RPS3: variants seen among roughly 807,000 people sequenced by gnomAD.
RPS3 encodes ribosomal protein S3.
A neutral mutation model predicts 25.8 loss-of-function variants in RPS3; 2 were observed. The observed-to-expected ratio is 0.08, with a 90% CI of 0.03 to 0.24. RPS3 has a LOEUF of 0.24. RPS3 is among the 10% of genes least tolerant of loss of function. The probability of loss-of-function intolerance (pLI) is 1.00; values close to 1 mark genes in which losing one functional copy is unlikely to be tolerated. For missense variants in RPS3, 107 were observed against 307.1 expected, an observed-to-expected ratio of 0.35 and a Z score of 4.87; for synonymous variants, 114 against 114.2, an observed-to-expected ratio of 1.00 and a Z score of 0.01.
At chr11:75,416,776 T>C (rs1193336473) in intron 6 of RPS3, among the ~76,000 whole-genome samples, 2 of 152,222 alleles carry the variant, frequency 1.3e-5, no homozygotes, top group Non-Finnish European at 2.9e-5. Flanking sequence ...GATGTTGCTA[T>C]GTATAAATGC....
intron 6 of RPS3, chr11:75,405,108 A>G (rs1288241768): frequency 8.3e-6 from 3 of 362,278 alleles, no homozygotes; most frequent in Non-Finnish European, 9.9e-6. Flanking sequence ...TATATGAAAT[A>G]GTTTTCCCTT....
intron 6 of RPS3, among the ~76,000 whole-genome samples, chr11:75,417,632 C>T (rs562258809): frequency 4.7e-4 from 71 of 152,240 alleles, no homozygotes; most frequent in African/African-American, 1.6e-3. Flanking sequence ...TCGGGCGTGG[C>T]GGCACATGCC....
chr11:75,416,155 C>T (rs1384076643), intron 6 of RPS3, among the ~76,000 whole-genome samples: 1 of 152,182 alleles, frequency 6.6e-6, no homozygotes, highest in Non-Finnish European at 1.5e-5. Flanking sequence ...CCTCCCTGTT[C>T]CTCCCTTTGG....
intron 6 of RPS3, among the ~76,000 whole-genome samples, chr11:75,414,807 C>T (rs566285152): frequency 1.7e-4 from 26 of 152,250 alleles, no homozygotes; most frequent in African/African-American, 4.6e-4. Context: ...GTGAGCCAGT[C>T]AGGGATGAAA....
chr11:75,413,280 G>T (rs1458561740), intron 6 of RPS3, among the ~76,000 whole-genome samples: 1 of 151,058 alleles, frequency 6.6e-6, no homozygotes, highest in Non-Finnish European at 1.5e-5. Flanking sequence ...TCACTCTGTA[G>T]CCCAGGCTGG....
intron 3 of RPS3, chr11:75,402,077 T>C (rs1948217132): frequency 1.8e-6 from 1 of 551,288 alleles, no homozygotes; most frequent in Non-Finnish European, 3.2e-6. Context: ...ACTGAAATTA[T>C]ATGCTGTATA....
At chr11:75,418,274 C>T (rs576978078) in intron 6 of RPS3, among the ~76,000 whole-genome samples, 25 of 152,356 alleles carry the variant, frequency 1.6e-4, no homozygotes, top group African/African-American at 5.3e-4. Context: ...ATTTCAGTGT[C>T]CTAATTCTTA....
chr11:75,417,569 C>T lies in RPS3; in HGVS notation c.*4-4158C>T, dbSNP rs1293837447. Among the ~76,000 whole-genome samples the T allele has an allele frequency of 2.0e-5, 3 of 152,226 alleles. No individual in the cohort carries two copies. The East Asian group carries it at 5.8e-4, about 29-fold the overall frequency. On this transcript the variant is annotated intron_variant, in intron 6 of 6. Transcript: ENST00000527446. ...CCGAGATCGCGCCACTGCATTCCAGCCTGGGTGACAGAGTGAGACTCCGTC... is the reference window on the plus strand; with the variant it reads ...CCGAGATCGCGCCACTGCATTCCAGTCTGGGTGACAGAGTGAGACTCCGTC...
intron 6 of RPS3, among the ~76,000 whole-genome samples, chr11:75,415,712 G>A (rs1396149713): frequency 1.3e-5 from 2 of 151,734 alleles, no homozygotes; most frequent in South Asian, 2.1e-4. Flanking sequence ...AGGCTGAGGC[G>A]GGAAAATCTC....
downstream of RPS3, among the ~76,000 whole-genome samples, chr11:75,408,671 G>A (rs2135062585): frequency 6.6e-6 from 1 of 152,056 alleles, no homozygotes; most frequent in Admixed American, 6.5e-5. Flanking sequence ...TCAGCCTCCT[G>A]AGTAGCTGCG....
chr11:75,403,947 T>G (rs1948246633), intron 4 of RPS3, 73 bp from the exon 5 acceptor site: 1 of 1,416,038 alleles, frequency 7.1e-7, no homozygotes, highest in African/African-American at 1.4e-5. Context: ...GAAAACCAAG[T>G]CTTTGTTTTG....
chr11:75,417,124 A>G, intron 6 of RPS3, among the ~76,000 whole-genome samples: 1 of 152,218 alleles, frequency 6.6e-6, no homozygotes, highest in Admixed American at 6.5e-5. Flanking sequence ...TCATTTTACA[A>G]GTTTAATCCA....
intron 1 of RPS3, chr11:75,399,804 G>C: frequency 1.8e-6 from 1 of 563,184 alleles, no homozygotes; most frequent in South Asian, 2.2e-5. Context: ...GGCACCAGGC[G>C]CCCCTTCTGT....
intron 2 of RPS3, among the ~76,000 whole-genome samples, chr11:75,401,042 C>T (rs1370864117): frequency 2.0e-5 from 3 of 152,130 alleles, no homozygotes; most frequent in Non-Finnish European, 4.4e-5. Context: ...GCCACCATAC[C>T]TTGCTAATTT....
rs535339128 is a variant in RPS3 at position 75,414,228 on chromosome 11, T to C, written c.*4-7499T>C. On this transcript the variant is annotated intron_variant, in intron 6 of 6. Coordinates refer to the RPS3 transcript ENST00000527446. Reference sequence around the variant, plus strand: ...TTGATGCTGGGTGGCCAAAACCATGTTGTGAAATTGTCCTTGGAACCCACT... The same window carrying C: ...TTGATGCTGGGTGGCCAAAACCATGCTGTGAAATTGTCCTTGGAACCCACT... Among the ~76,000 whole-genome samples, 10 of 152,338 alleles carry C rather than the reference T, an allele frequency of 6.6e-5. No individual in the cohort carries two copies. In the East Asian group the frequency reaches 1.9e-3, roughly 29 times the overall value.
chr11:75,403,965 A>G lies in RPS3; in HGVS notation c.351-55A>G, dbSNP rs547199076. On this transcript the variant is annotated intron_variant, in intron 4 of 6. Coordinates refer to ENST00000531188, the MANE Select transcript of RPS3 (RefSeq NM_001005.5). ...AACCAAGTCTTTGTTTTGTTTTTTA[A>G]ACTTGGTGGAGGTCCTTGGCAATAA... The G allele has an allele frequency of 2.6e-6, 4 of 1,523,820 alleles. No individual in the cohort carries two copies. The African/African-American group carries it at 4.2e-5, about 16-fold the overall frequency. 94.4% of individuals were successfully genotyped at this position (1,523,820 alleles called of 1,614,324 possible).
At chr11:75,408,366 A>G (rs766195770), downstream of RPS3, among the ~76,000 whole-genome samples, 6 of 152,008 alleles carry the variant, frequency 3.9e-5, no homozygotes, top group Non-Finnish European at 7.4e-5. Context: ...TTTGCCAGAT[A>G]TGGAGGCTGA....
In RPS3 at chr11:75,405,843, T is replaced by A. The variant is rs1393225028; in HGVS notation, c.*233T>A. ...GCCAACCAGAGAAATAATATTTGTGTGATAGAGAAGGCTGATAGCAAGCAA... is the reference window on the plus strand; with the variant it reads ...GCCAACCAGAGAAATAATATTTGTGAGATAGAGAAGGCTGATAGCAAGCAA... On this transcript the variant is annotated 3_prime_UTR_variant, in exon 7 of 7. Coordinates refer to ENST00000531188, the MANE Select transcript of RPS3 (RefSeq NM_001005.5). The A allele has an allele frequency of 3.8e-5, 10 of 265,304 alleles. No homozygotes were observed. The highest frequency in any genetic ancestry group is 2.0e-4 in the African/African-American group (9 of 44,524). 16.4% of individuals were successfully genotyped at this position (265,304 alleles called of 1,614,324 possible).
Position 75,404,184 on chromosome 11 carries a change from T to C in RPS3, c.515T>C (p.Val172Ala). Residue 172 changes from valine to alanine, a missense_variant, in exon 5 of 7, where the codon GTG (valine) becomes GCG (alanine). Physicochemically the swap from Val to Ala is moderately conservative, Grantham distance 64. Around this residue, in one of 2 missense-constraint regions of RPS3, gnomAD observed 81 missense variants for 286.8 expected, o/e 0.28. Transcript: ENST00000531188. The surrounding 1 kb of genome is among the most constrained non-coding windows in gnomAD (Gnocchi z 4.6). ...GTTAACTACTACGTTGACACTGCTG[T>C]GCGCCACGTGTTGCTCAGACAGGGT... Reference protein sequence around the residue: ...DPVNYYVDTAVRHVLLRQGVL... With the variant: ...DPVNYYVDTAARHVLLRQGVL... 1 of 1,614,090 alleles carries C rather than the reference T, an allele frequency of 6.2e-7. No homozygotes were observed. Among genetic ancestry groups the C allele is most frequent in the Non-Finnish European group, 8.5e-7 (1 of 1,179,944 alleles).
Sources: gnomAD v4.1 joint callset for allele counts (sites outside exome capture counted in the v4.1 genomes callset) on GRCh38, gnomAD v4.1.1 for gene constraint, gnomAD v4.1.1 regional missense constraint, Gnocchi (gnomAD v3.1) non-coding constraint, MANE v1.5 for transcripts, NCBI Gene and HGNC (gene_info 2026-07-23, HGNC 2026-07-21) for gene names.